Variants in DENND1A observed in about 807,000 individuals in gnomAD.
DENND1A encodes DENN domain containing 1A.
A neutral mutation model predicts 113.7 loss-of-function variants in DENND1A; 51 were observed. That is an observed-to-expected ratio of 0.45 (90% CI 0.36 to 0.57). The LOEUF (loss-of-function observed/expected upper bound fraction) is 0.57, where lower values mean the gene tolerates loss of function less well. Ranked by LOEUF, DENND1A falls within the 20% of genes least tolerant of loss-of-function variation. The pLI, the probability that DENND1A is intolerant of heterozygous loss-of-function variation, is 0.00. For synonymous variants in DENND1A, 565 were observed against 570.8 expected (o/e 0.99, Z 0.14); for missense variants, 1,258 against 1,395.9 (o/e 0.90, Z 1.57).
At chr9:123,880,792 C>T (rs1392197146) in intron 1 of DENND1A, among the ~76,000 whole-genome samples, 4 of 152,116 alleles carry the variant, frequency 2.6e-5, no homozygotes, top group Non-Finnish European at 5.9e-5. Context: ...CTATTTCACT[C>T]GATTCTAGAA....
At chr9:123,682,146 C>T (rs909275215) in intron 5 of DENND1A, among the ~76,000 whole-genome samples, 2 of 152,292 alleles carry the variant, frequency 1.3e-5, no homozygotes, top group Non-Finnish European at 2.9e-5. Flanking sequence ...CTTTGCTATC[C>T]TAAAAACAAA....
chr9:123,767,712 A>T (rs899152978), intron 4 of DENND1A, among the ~76,000 whole-genome samples: 2 of 152,150 alleles, frequency 1.3e-5, no homozygotes, highest in African/African-American at 4.8e-5. Context: ...CAGAGGTTTA[A>T]TCTCTATGCA....
intron 2 of DENND1A, among the ~76,000 whole-genome samples, chr9:123,849,558 A>G (rs1415963126): frequency 6.6e-6 from 1 of 152,226 alleles, no homozygotes; most frequent in Non-Finnish European, 1.5e-5. Context: ...TCTGATGGAG[A>G]TATACAAGGA....
At chr9:123,383,569 G>A in intron 23 of DENND1A, 86 bp downstream of exon 23, 1 of 1,533,642 alleles carries the variant, frequency 6.5e-7, no homozygotes, top group Admixed American at 1.8e-5. Context: ...TTCTCCCTTA[G>A]TCTCTTCCAC....
At chr9:123,803,947 A>T (rs1835116005) in intron 2 of DENND1A, among the ~76,000 whole-genome samples, 2 of 152,218 alleles carry the variant, frequency 1.3e-5, no homozygotes, top group Non-Finnish European at 2.9e-5. Flanking sequence ...TACTGCTAAC[A>T]TCAATTATCA....
intron 13 of DENND1A, among the ~76,000 whole-genome samples, chr9:123,522,860 G>C (rs1295609425): frequency 2.0e-5 from 3 of 152,194 alleles, no homozygotes; most frequent in Non-Finnish European, 4.4e-5. Context: ...AGTCTAGAGA[G>C]ATGGAGCCAC....
chr9:123,519,492 T>C (rs968497095), intron 13 of DENND1A, among the ~76,000 whole-genome samples: 1 of 151,848 alleles, frequency 6.6e-6, no homozygotes, highest in Admixed American at 6.6e-5. Context: ...GGCTGGAATG[T>C]GGTGGCACGA....
chr9:123,391,130 C>T (rs938240277), intron 21 of DENND1A, among the ~76,000 whole-genome samples: 5 of 152,078 alleles, frequency 3.3e-5, no homozygotes, highest in Non-Finnish European at 7.4e-5. Flanking sequence ...CTGTGGTGGG[C>T]GGGGGAAGAG....
intron 3 of DENND1A, among the ~76,000 whole-genome samples, chr9:123,770,690 A>C (rs1378208848): frequency 6.6e-6 from 1 of 152,222 alleles, no homozygotes; most frequent in African/African-American, 2.4e-5. Flanking sequence ...AAAATGAAGA[A>C]CACATTTTTC....
chr9:123,766,340 G>T (rs1828810015), intron 4 of DENND1A, among the ~76,000 whole-genome samples: 1 of 152,116 alleles, frequency 6.6e-6, no homozygotes, highest in Non-Finnish European at 1.5e-5. Context: ...GACTAGACTG[G>T]GAGGGCAGGG....
intron 2 of DENND1A, among the ~76,000 whole-genome samples, chr9:123,816,342 C>T (rs1477399204): frequency 1.3e-5 from 2 of 152,108 alleles, no homozygotes; most frequent in African/African-American, 4.8e-5. Context: ...CCCAAGGTCA[C>T]ACATCTATTC....
intron 13 of DENND1A, among the ~76,000 whole-genome samples, chr9:123,522,456 C>T (rs551664858): frequency 1.3e-5 from 2 of 152,308 alleles, no homozygotes; most frequent in African/African-American, 4.8e-5. Context: ...TATTCAATTG[C>T]TTAAAGAATT....
intron 9 of DENND1A, among the ~76,000 whole-genome samples, chr9:123,651,759 T>C (rs1488731813): frequency 1.3e-5 from 2 of 152,220 alleles, no homozygotes; most frequent in Non-Finnish European, 2.9e-5. Context: ...GAAGCTCATG[T>C]AGAAACCTGC....
intron 8 of DENND1A, among the ~76,000 whole-genome samples, chr9:123,655,918 A>T (rs1254721804): frequency 6.6e-6 from 1 of 152,256 alleles, no homozygotes; most frequent in Non-Finnish European, 1.5e-5. Flanking sequence ...CTATGTGCCT[A>T]GCACCCTCCT....
intron 2 of DENND1A, among the ~76,000 whole-genome samples, chr9:123,876,433 A>G (rs1286258555): frequency 1.3e-5 from 2 of 152,220 alleles, no homozygotes; most frequent in African/African-American, 2.4e-5. Flanking sequence ...CTAGGGGTAT[A>G]TAAGAATATG....
At chr9:123,705,932 A>G (rs1434745254) in intron 5 of DENND1A, among the ~76,000 whole-genome samples, 1 of 152,196 alleles carries the variant, frequency 6.6e-6, no homozygotes, top group East Asian at 1.9e-4. Flanking sequence ...AATATGTACC[A>G]TCCTTGGGAG....
At chr9:123,891,918 A>G (rs1849962382) in intron 1 of DENND1A, among the ~76,000 whole-genome samples, 1 of 152,140 alleles carries the variant, frequency 6.6e-6, no homozygotes, top group South Asian at 2.1e-4. Context: ...GCCCCAGCTC[A>G]CCACTTTGAG....
chr9:123,546,501 T>A (rs878862067), intron 13 of DENND1A, among the ~76,000 whole-genome samples: 3 of 151,328 alleles, frequency 2.0e-5, no homozygotes, highest in Non-Finnish European at 4.4e-5. Context: ...GCAGTGAGCC[T>A]AGATCGCACC....
intron 10 of DENND1A, among the ~76,000 whole-genome samples, chr9:123,629,874 C>T (rs2061400465): frequency 6.6e-6 from 1 of 152,162 alleles, no homozygotes; most frequent in Non-Finnish European, 1.5e-5. Flanking sequence ...AACAAACAAA[C>T]AAACACGCAA....
Sources: gnomAD v4.1 joint callset for allele counts (sites outside exome capture counted in the v4.1 genomes callset) on GRCh38, gnomAD v4.1.1 for gene constraint, MANE v1.5 for transcripts, NCBI Gene and HGNC (gene_info 2026-07-23, HGNC 2026-07-21) for gene names.